ZNF783: variants seen among roughly 807,000 people sequenced by gnomAD.
ZNF783 encodes protein ZNF783.
ZNF783 carries 25 observed loss-of-function variants against 31.3 expected under a neutral mutation model. That is an observed-to-expected ratio of 0.80 (90% CI 0.58 to 1.11). ZNF783 has a LOEUF of 1.11. Ranked by LOEUF, ZNF783 falls within the 50% of genes most tolerant of loss-of-function variation. The probability of loss-of-function intolerance (pLI) is 0.00; values close to 1 mark genes in which losing one functional copy is unlikely to be tolerated. For missense variants in ZNF783, 797 were observed against 760.0 expected (o/e 1.05, Z -0.57); for synonymous variants, 369 against 319.1 (o/e 1.16, Z -1.66).
rs1431675845 is a variant in ZNF783, at chr7:149,262,236, A to G, written c.-98A>G. The G allele has an allele frequency of 8.8e-7, 1 of 1,142,832 alleles. No homozygotes were observed. The allele number at this position is 1,142,832 out of a possible 1,614,324, so 70.8% of individuals were successfully genotyped here. A position where few individuals can be genotyped will look rare whatever the true frequency, so the allele number is the denominator to read the frequency against. ...GCCGCCCGGCAGTAGCTCTCAGGTT[A>G]GGCGGGTCCCGCTCCGCTTCCGCCG... On this transcript the variant is annotated 5_prime_UTR_variant, in exon 1 of 6. Transcript: ENST00000434415.
chr7:149,263,841 C>T (rs1368281863), intron 1 of ZNF783, among the ~76,000 whole-genome samples: 3 of 152,208 alleles, frequency 2.0e-5, no homozygotes, highest in South Asian at 4.1e-4. Flanking sequence ...AACTTCCTCT[C>T]CCTCCTCTTA....
chr7:149,262,458 C>T, intron 1 of ZNF783, 101 bp downstream of exon 1: 1 of 995,584 alleles, frequency 1.0e-6, no homozygotes, highest in Non-Finnish European at 1.3e-6. Flanking sequence ...GGTGAGAGGG[C>T]CTTGCGCGCA....
At chr7:149,273,882 T>C (rs1241940392) in intron 4 of ZNF783, among the ~76,000 whole-genome samples, 1 of 152,216 alleles carries the variant, frequency 6.6e-6, no homozygotes, top group African/African-American at 2.4e-5. Context: ...TCAGATCTTT[T>C]GCCCATTTTT....
At chr7:149,279,635 T>G (rs868346843) in intron 5 of ZNF783, among the ~76,000 whole-genome samples, 5,758 of 132,378 alleles carry the variant, frequency 0.043, 118 homozygotes, top group Non-Finnish European at 0.051. Flanking sequence ...TATCTTTGTT[T>G]TTTTTTTTTT....
At chr7:149,265,328 G>C (rs1276718660) in intron 1 of ZNF783, among the ~76,000 whole-genome samples, 1 of 151,608 alleles carries the variant, frequency 6.6e-6, no homozygotes, top group African/African-American at 2.4e-5. Flanking sequence ...AGGCACTGAA[G>C]GACAATGGAA....
rs1163455791 is a variant in ZNF783 at position 149,284,006 on chromosome 7, A to G, written c.*1663A>G. ...GAGTCCTTTGTATTTTGGTGAACAA[A>G]TTCTTACCAAAGCATGAGATTCGGA... On this transcript the variant is annotated 3_prime_UTR_variant, in exon 6 of 6. Transcript: ENST00000434415. 1 of 152,080 alleles carries G rather than the reference A, an allele frequency of 6.6e-6. No individual in the cohort carries two copies. The highest frequency in any genetic ancestry group is 1.5e-5 in the Non-Finnish European group (1 of 68,028). 9.4% of individuals were successfully genotyped at this position (152,080 alleles called of 1,614,324 possible).
In ZNF783 at chr7:149,281,870, A is replaced by C; in HGVS notation, c.1168A>C (p.Ser390Arg). ...CCGCTCGCCCACCAGCTGCGGGGAC[A>C]GCCAGGCCATGCTGGAGCCGGGGGA... ...PGRSPTSCGD[S>R]QAMLEPGEVV... Residue 390 changes from serine to arginine, a missense_variant, in exon 6 of 6, where the codon AGC becomes CGC. Coordinates refer to ENST00000434415, the MANE Select transcript of ZNF783 (RefSeq NM_001195220.2). 1 of 1,503,320 alleles carries C rather than the reference A, an allele frequency of 6.7e-7. No individual in the cohort carries two copies. Among genetic ancestry groups the C allele is most frequent in the Middle Eastern group, 1.8e-4 (1 of 5,642 alleles). The allele number at this position is 1,503,320 out of a possible 1,614,324, so 93.1% of individuals were successfully genotyped here.
At chr7:149,264,128 T>C (rs997543502) in intron 1 of ZNF783, among the ~76,000 whole-genome samples, 3 of 152,206 alleles carry the variant, frequency 2.0e-5, no homozygotes, top group East Asian at 1.9e-4. Flanking sequence ...CACACTGTTG[T>C]TGTTTATAAG....
At chr7:149,265,113 G>A (rs181074814) in intron 1 of ZNF783, among the ~76,000 whole-genome samples, 2 of 152,282 alleles carry the variant, frequency 1.3e-5, no homozygotes, top group East Asian at 3.9e-4. Context: ...GAGAAACATG[G>A]ATGGATTTGA....
rs1396055078 is a variant in ZNF783, at chr7:149,281,685, C to CA, written c.984dup (p.Arg329ThrfsTer86). The CA allele has an allele frequency of 1.3e-6, 2 of 1,500,734 alleles. No individual in the cohort carries two copies. The highest frequency in any genetic ancestry group is 1.8e-6 in the Non-Finnish European group (2 of 1,135,150). 93.0% of individuals were successfully genotyped at this position (1,500,734 alleles called of 1,614,324 possible). On this transcript the variant is annotated frameshift_variant, in exon 6 of 6. Coordinates refer to ENST00000434415, the MANE Select transcript of ZNF783 (RefSeq NM_001195220.2). LOFTEE classifies it low-confidence loss of function (END_TRUNC). ...ATGCCCAGGGTGCGGGCAGGGGAGC[C>CA]ACGGCCACCGGGGGCCAGTGGGGAG...
At chr7:149,279,632 GTTTTTTT>G (rs764203926) in intron 5 of ZNF783, among the ~76,000 whole-genome samples, 8 of 100,328 alleles carry the variant, frequency 8.0e-5, no homozygotes, top group African/African-American at 2.6e-4. Flanking sequence ...TTTTATCTTT[GTTTTTTT>G]TTTTTTTTTT....
Position 149,278,513 on chromosome 7 carries a change from C to T in ZNF783, c.788C>T (p.Ala263Val). ...GACTCAGAGGCGAGAGTGGCCCCAG[C>T]CGGGCCAGAAGCAGGTGAGTGAGGA... ...QQDSEARVAP[A>V]GPEAGGGVAI... The change falls in exon 5 of 6, where the codon GCC (alanine) becomes GTC (valine). Residue 263 changes from alanine (A) to valine (V), a missense_variant. Ala to Val is a moderately conservative substitution (Grantham distance 64). Transcript: ENST00000434415. The T allele has an allele frequency of 6.3e-7, 1 of 1,599,230 alleles. No homozygotes were observed. The highest frequency in any genetic ancestry group is 8.5e-7 in the Non-Finnish European group (1 of 1,179,712).
chr7:149,272,898 C>G (rs1371906620), intron 4 of ZNF783, among the ~76,000 whole-genome samples: 1 of 151,804 alleles, frequency 6.6e-6, no homozygotes, highest in African/African-American at 2.4e-5. Context: ...GCACCTTCCC[C>G]CAACCCTTCC....
chr7:149,281,270 CT>C (rs1423168442), intron 5 of ZNF783, among the ~76,000 whole-genome samples: 1 of 152,262 alleles, frequency 6.6e-6, no homozygotes. Flanking sequence ...CTCCCCTCCC[CT>C]GATGTCCTTA....
At chr7:149,276,651 CTTTT>C in intron 4 of ZNF783, 1 of 606,340 alleles carries the variant, frequency 1.6e-6, no homozygotes, top group Non-Finnish European at 2.0e-6. Flanking sequence ...ACTTGGGTTA[CTTTT>C]TATTTATTTA....
At chr7:149,272,234 C>CT (rs1797225094) in intron 4 of ZNF783, among the ~76,000 whole-genome samples, 1 of 152,080 alleles carries the variant, frequency 6.6e-6, no homozygotes, top group Admixed American at 6.5e-5. Flanking sequence ...AGGCTGGTCT[C>CT]TAACTCCTGA....
intron 4 of ZNF783, among the ~76,000 whole-genome samples, chr7:149,268,812 G>A (rs1797146814): frequency 6.6e-6 from 1 of 152,178 alleles, no homozygotes; most frequent in South Asian, 2.1e-4. Context: ...ATTCCATGGT[G>A]TATATGTACC....
chr7:149,277,585 C>G (rs1797361890), intron 4 of ZNF783, among the ~76,000 whole-genome samples: 1 of 151,794 alleles, frequency 6.6e-6, no homozygotes, highest in African/African-American at 2.4e-5. Context: ...TTAAAAAATA[C>G]AAAAATTAGC....
chr7:149,268,612 C>T (rs1201230734), intron 4 of ZNF783, among the ~76,000 whole-genome samples: 1 of 152,226 alleles, frequency 6.6e-6, no homozygotes, highest in Non-Finnish European at 1.5e-5. Context: ...TCCCTTCCCC[C>T]TGTAGTAGTC....
Sources: gnomAD v4.1 joint callset for allele counts (sites outside exome capture counted in the v4.1 genomes callset) on GRCh38, gnomAD v4.1.1 for gene constraint, MANE v1.5 for transcripts, NCBI Gene and HGNC (gene_info 2026-07-23, HGNC 2026-07-21) for gene names.